The following TK2 variants were observed in gnomAD, a reference collection of about 807,000 sequenced individuals.
TK2 encodes thymidine kinase 2, mitochondrial.
A neutral mutation model predicts 41.9 loss-of-function variants in TK2; 35 were observed. The observed-to-expected ratio is 0.84, with a 90% CI of 0.64 to 1.11. The LOEUF is 1.11. Among genes scored for constraint, TK2 ranks in the 50% least tolerant of loss-of-function variants. The probability of loss-of-function intolerance (pLI) is 0.00; values close to 1 mark genes in which losing one functional copy is unlikely to be tolerated. For missense variants in TK2, 320 were observed against 351.1 expected, an observed-to-expected ratio of 0.91 and a Z score of 0.71; for synonymous variants, 128 against 129.1, an observed-to-expected ratio of 0.99 and a Z score of 0.06.
intron 8 of TK2, among the ~76,000 whole-genome samples, chr16:66,516,833 C>T (rs372657122): frequency 6.6e-6 from 1 of 151,948 alleles, no homozygotes; most frequent in Non-Finnish European, 1.5e-5. Context: ...GGAGGCAGAA[C>T]AGACAAGCCC....
chr16:66,516,425 T>G (rs912621923), intron 8 of TK2, among the ~76,000 whole-genome samples: 12 of 152,134 alleles, frequency 7.9e-5, no homozygotes, highest in Non-Finnish European at 1.8e-4. Flanking sequence ...ATAAGCCGTA[T>G]TACAAAGTGG....
intron 6 of TK2, among the ~76,000 whole-genome samples, chr16:66,526,059 G>A (rs949613956): frequency 6.6e-6 from 1 of 152,180 alleles, no homozygotes; most frequent in Non-Finnish European, 1.5e-5. Flanking sequence ...GCAGGACCAT[G>A]GGCGTGAGTT....
intron 3 of TK2, 102 bp downstream of exon 3, chr16:66,541,777 G>T: frequency 1.6e-6 from 2 of 1,239,344 alleles, no homozygotes; most frequent in Non-Finnish European, 2.4e-6. Flanking sequence ...TTGCACTTGT[G>T]GCTCAAATTA....
intron 5 of TK2, among the ~76,000 whole-genome samples, chr16:66,530,888 A>G (rs1340854966): frequency 6.6e-6 from 1 of 151,740 alleles, no homozygotes; most frequent in Non-Finnish European, 1.5e-5. Flanking sequence ...CGCCAGACTA[A>G]TTTTTGTATT....
rs528327309 is a variant in TK2, at chr16:66,516,203, C to T, written c.618+933G>A. On this transcript the variant is annotated intron_variant, in intron 8 of 9. Transcript: ENST00000544898. Reference sequence around the variant, plus strand: ...CAGGGGGTGGGTTTGGGGGGGGTTACAATGGAAGGAAGGTCAGGGGTGGCT... The same window carrying T: ...CAGGGGGTGGGTTTGGGGGGGGTTATAATGGAAGGAAGGTCAGGGGTGGCT... Among the ~76,000 whole-genome samples, 5 of 151,990 alleles carry T rather than the reference C, an allele frequency of 3.3e-5. No homozygotes were observed. The East Asian group carries it at 9.7e-4, about 29-fold the overall frequency.
chr16:66,545,431 G>A (rs977417191), intron 2 of TK2, among the ~76,000 whole-genome samples: 2 of 152,156 alleles, frequency 1.3e-5, no homozygotes, highest in African/African-American at 4.8e-5. Context: ...ACTGGCAAGT[G>A]GATAAACAAA....
chr16:66,510,149 A>C lies in TK2; in HGVS notation c.*1819T>G, dbSNP rs536243841. The C allele has an allele frequency of 1.3e-5, 2 of 151,790 alleles. No individual in the cohort carries two copies. The highest frequency in any genetic ancestry group is 4.8e-5 in the African/African-American group (2 of 41,374). The allele number at this position is 151,790 out of a possible 1,614,324, so 9.4% of individuals were successfully genotyped here. On this transcript the variant is annotated 3_prime_UTR_variant, in exon 10 of 10. Transcript: ENST00000544898. ...TTAGGTGAAGGAGTTATTGGGTATC[A>C]CAGAGCAAGAAAAAAATCATGGGTA...
intron 6 of TK2, among the ~76,000 whole-genome samples, chr16:66,526,471 G>A (rs1476408859): frequency 6.6e-6 from 1 of 152,188 alleles, no homozygotes; most frequent in Non-Finnish European, 1.5e-5. Flanking sequence ...GCCGAGCAGA[G>A]CTGTAATCAG....
chr16:66,512,896 C>T (rs1964493714), intron 9 of TK2, among the ~76,000 whole-genome samples: 1 of 152,190 alleles, frequency 6.6e-6, no homozygotes, highest in African/African-American at 2.4e-5. Flanking sequence ...CCTATGGCCA[C>T]GCACAAAAGC....
At chr16:66,531,337 AG>A (rs1373277038) in intron 5 of TK2, 42 bp downstream of exon 5, 1 of 1,596,554 alleles carries the variant, frequency 6.3e-7, no homozygotes, top group South Asian at 1.1e-5. Flanking sequence ...CCAAGTCTGA[AG>A]AAAACGTTTA....
At chr16:66,549,383 C>A in intron 1 of TK2, 2 of 1,124,348 alleles carry the variant, frequency 1.8e-6, no homozygotes, top group South Asian at 2.4e-5. Context: ...GGGCCTGGGA[C>A]CCAGGTGTTC....
chr16:66,522,903 G>C (rs1411231273), intron 6 of TK2, among the ~76,000 whole-genome samples: 1 of 152,138 alleles, frequency 6.6e-6, no homozygotes, highest in Non-Finnish European at 1.5e-5. Context: ...TAAGGATACT[G>C]TGTAACTGGA....
chr16:66,537,811 G>A (rs1965333288), intron 3 of TK2, among the ~76,000 whole-genome samples: 1 of 152,176 alleles, frequency 6.6e-6, no homozygotes, highest in Non-Finnish European at 1.5e-5. Flanking sequence ...GAGTACATGT[G>A]AGAAGGGGCC....
At chr16:66,548,646 GC>G in intron 2 of TK2, 1 of 318,970 alleles carries the variant, frequency 3.1e-6, no homozygotes, top group Non-Finnish European at 5.9e-6. Flanking sequence ...CATCTGAGCT[GC>G]CCAACCCAAG....
chr16:66,517,912 G>C lies in TK2; in HGVS notation c.450-35C>G, dbSNP rs1212165906. 6.3e-7 allele frequency: 1 copy of C among 1,581,352 alleles called. No individual in the cohort carries two copies. The highest frequency in any genetic ancestry group is 8.7e-7 in the Non-Finnish European group (1 of 1,150,150). ...GAGTTGTAAGGGCTTATTCACCTAA[G>C]AGAAAACTTCTGGGCTATGCAATTC... On this transcript the variant is annotated intron_variant, in intron 6 of 9. Transcript: ENST00000544898. The surrounding 1 kb of genome is among the most constrained non-coding windows in gnomAD (Gnocchi z 4.3).
At chr16:66,524,659 C>T (rs1964877303) in intron 6 of TK2, among the ~76,000 whole-genome samples, 1 of 152,234 alleles carries the variant, frequency 6.6e-6, no homozygotes, top group Admixed American at 6.5e-5. Flanking sequence ...TTCTGAGGCC[C>T]GTATTCCTCA....
intron 6 of TK2, among the ~76,000 whole-genome samples, chr16:66,526,805 G>T (rs1034079395): frequency 6.6e-6 from 1 of 152,178 alleles, no homozygotes; most frequent in African/African-American, 2.4e-5. Flanking sequence ...AGGCCAAGCT[G>T]AATGTGATTA....
Position 66,517,727 on chromosome 16 carries a change from A to G in TK2, c.538+62T>C, listed in dbSNP as rs1964656825. 3.3e-6 allele frequency: 5 copies of G among 1,538,330 alleles called. No individual in the cohort carries two copies. Among genetic ancestry groups the G allele is most frequent in the Non-Finnish European group, 4.5e-6 (5 of 1,110,992 alleles). ...GCCCCCAAGGGTTGGGGCCCAGCCA[A>G]GCACATCCTCAAGGGACCCAGGAGA... On this transcript the variant is annotated intron_variant, in intron 7 of 9. Transcript: ENST00000544898. This position sits in a 1 kb window ranked among gnomAD's most constrained non-coding sequence, Gnocchi z 4.3.
Position 66,541,918 on chromosome 16 carries a change from C to T in TK2, c.192G>A (p.Thr64=), listed in dbSNP as rs373843440. Residue 64 remains threonine, a synonymous_variant, in exon 3 of 10, where the codon ACG becomes ACA. Coordinates refer to ENST00000544898, the MANE Select transcript of TK2 (RefSeq NM_004614.5). ...CVEGNIASGK[T]TCLEFFSNAT... Reference sequence around the variant, plus strand: ...CGTTGGAGAAGAATTCCAGGCATGTCGTCTTCCCACTTGCAATATTGCCCT... The same window carrying T: ...CGTTGGAGAAGAATTCCAGGCATGTTGTCTTCCCACTTGCAATATTGCCCT... 3.4e-5 allele frequency: 55 copies of T among 1,614,092 alleles called. No homozygotes were observed. The highest frequency in any genetic ancestry group is 2.9e-4 in the East Asian group (13 of 44,884).
Sources: allele counts gnomAD v4.1 joint callset (sites outside exome capture counted in the v4.1 genomes callset), GRCh38; gene constraint gnomAD v4.1.1; non-coding constraint Gnocchi (gnomAD v3.1); transcripts MANE v1.5; gene names NCBI Gene and HGNC (gene_info 2026-07-23, HGNC 2026-07-21).